ASTN2: variants seen among roughly 807,000 people sequenced by gnomAD.
ASTN2 encodes the protein astrotactin 2.
Under a neutral mutation model 139.8 loss-of-function variants are expected in ASTN2, and 54 were observed. The ratio of observed to expected loss-of-function variants is 0.39; its 90% CI spans 0.31 to 0.48. ASTN2 has a LOEUF of 0.48. ASTN2 is among the 20% of genes least tolerant of loss of function. The probability of loss-of-function intolerance (pLI) is 0.95; values close to 1 mark genes in which losing one functional copy is unlikely to be tolerated. For synonymous variants in ASTN2, 756 were observed against 719.5 expected, an observed-to-expected ratio of 1.05 and a Z score of -0.81; for missense variants, 1,565 against 1,725.1, an observed-to-expected ratio of 0.91 and a Z score of 1.64.
chr9:116,862,658 G>A (rs1416482054), intron 11 of ASTN2, among the ~76,000 whole-genome samples: 1 of 152,138 alleles, frequency 6.6e-6, no homozygotes, highest in African/African-American at 2.4e-5. Flanking sequence ...CCATTAGGCT[G>A]TAGTGTAGAT....
At chr9:117,410,573 C>T (rs1831132272) in intron 1 of ASTN2, among the ~76,000 whole-genome samples, 2 of 152,214 alleles carry the variant, frequency 1.3e-5, no homozygotes, top group South Asian at 4.1e-4. Context: ...GGATAAATGA[C>T]TTATTCAAGG....
At chr9:116,466,387 G>A (rs1160227423) in intron 20 of ASTN2, among the ~76,000 whole-genome samples, 1 of 152,188 alleles carries the variant, frequency 6.6e-6, no homozygotes, top group African/African-American at 2.4e-5. Context: ...AATGAGTCTT[G>A]ACGTCATTGG....
At chr9:117,349,517 G>A (rs1264470510) in intron 1 of ASTN2, among the ~76,000 whole-genome samples, 1 of 152,106 alleles carries the variant, frequency 6.6e-6, no homozygotes, top group Non-Finnish European at 1.5e-5. Context: ...TGTGGAGAGA[G>A]GAACACAAAG....
At chr9:117,206,000 T>C (rs558666465) in intron 3 of ASTN2, among the ~76,000 whole-genome samples, 1 of 152,130 alleles carries the variant, frequency 6.6e-6, no homozygotes, top group Admixed American at 6.5e-5. Context: ...ACAACATATG[T>C]GAAAAGGAGC....
At chr9:116,836,765 T>C (rs1489589879) in intron 11 of ASTN2, among the ~76,000 whole-genome samples, 2 of 152,044 alleles carry the variant, frequency 1.3e-5, no homozygotes, top group African/African-American at 4.8e-5. Context: ...CACCTTTCAG[T>C]CTTATGCTTG....
At chr9:116,967,715 G>C (rs1404066630) in intron 10 of ASTN2, among the ~76,000 whole-genome samples, 1 of 152,184 alleles carries the variant, frequency 6.6e-6, no homozygotes, top group East Asian at 1.9e-4. Flanking sequence ...TGTAAGACCG[G>C]TATCAAGGGC....
At chr9:117,314,233 C>T (rs567866772) in intron 1 of ASTN2, among the ~76,000 whole-genome samples, 1 of 152,090 alleles carries the variant, frequency 6.6e-6, no homozygotes, top group African/African-American at 2.4e-5. Context: ...TCCCCACCCC[C>T]ACCATGAATG....
chr9:116,645,229 A>G (rs803893), intron 17 of ASTN2, among the ~76,000 whole-genome samples: 142,476 of 152,256 alleles, frequency 0.94, 66,703 homozygotes, highest in East Asian at 0.96. Flanking sequence ...GTTAACAACC[A>G]CACAAAGTCT....
intron 1 of ASTN2, among the ~76,000 whole-genome samples, 165 bp from the exon 2 acceptor site, chr9:117,291,678 A>T (rs1834598211): frequency 6.6e-6 from 1 of 152,240 alleles, no homozygotes; most frequent in South Asian, 2.1e-4. Flanking sequence ...TTTCATTTAT[A>T]GATGAGTCAA....
chr9:116,732,619 A>G (rs967589999), intron 14 of ASTN2, among the ~76,000 whole-genome samples: 8 of 152,238 alleles, frequency 5.3e-5, no homozygotes, highest in Admixed American at 2.0e-4. Flanking sequence ...ACATCTTAGG[A>G]AATTTCTTAA....
chr9:116,610,328 C>T (rs938862138), intron 19 of ASTN2, among the ~76,000 whole-genome samples: 3 of 152,068 alleles, frequency 2.0e-5, no homozygotes, highest in African/African-American at 7.2e-5. Context: ...GTGATGGCTG[C>T]GGACGGTGGC....
intron 2 of ASTN2, among the ~76,000 whole-genome samples, chr9:117,255,358 G>T (rs900868389): frequency 1.3e-5 from 2 of 152,220 alleles, no homozygotes; most frequent in African/African-American, 4.8e-5. Context: ...TGCCTACCAT[G>T]TGCTAAAGCA....
rs542466057 is a variant in ASTN2 at position 116,749,143 on chromosome 9, G to T, written c.2397-15620C>A. On this transcript the variant is annotated intron_variant, in intron 13 of 22. Coordinates refer to ENST00000313400, the MANE Select transcript of ASTN2 (RefSeq NM_001365068.1). ...ATCATCCTTGCCTCACATACTTGCT[G>T]TAAAGATGAAAAGAGCCCATAAAAT... 2.6e-5 allele frequency among the ~76,000 whole-genome samples: 4 copies of T among 152,232 alleles called. No individual in the cohort carries two copies. In the East Asian group the frequency reaches 7.7e-4, roughly 29 times the overall value.
At chr9:117,313,760 A>G (rs781089929) in intron 1 of ASTN2, among the ~76,000 whole-genome samples, 24 of 152,134 alleles carry the variant, frequency 1.6e-4, no homozygotes, top group Non-Finnish European at 2.8e-4. Context: ...ATGTGAATAG[A>G]TGGTTTAGGA....
At chr9:117,008,050 C>A (rs781369264) in intron 7 of ASTN2, 42 bp downstream of exon 7, 3 of 1,499,410 alleles carry the variant, frequency 2.0e-6, no homozygotes, top group Admixed American at 2.2e-5. Flanking sequence ...TTCAACCCAG[C>A]CTCTCCCACC....
intron 4 of ASTN2, among the ~76,000 whole-genome samples, chr9:117,129,725 G>T (rs1170783528): frequency 6.6e-6 from 1 of 151,922 alleles, no homozygotes; most frequent in Non-Finnish European, 1.5e-5. Flanking sequence ...TAAGCATTTT[G>T]AAACCATGTT....
chr9:117,292,620 G>C (rs1564130103), intron 1 of ASTN2, among the ~76,000 whole-genome samples: 1 of 152,110 alleles, frequency 6.6e-6, no homozygotes, highest in Non-Finnish European at 1.5e-5. Flanking sequence ...TAGAGGCTTA[G>C]AACCTTGACC....
At chr9:116,681,554 C>A (rs936790197) in intron 16 of ASTN2, among the ~76,000 whole-genome samples, 8 of 152,156 alleles carry the variant, frequency 5.3e-5, no homozygotes, top group African/African-American at 1.9e-4. Context: ...CAAAAAAGAG[C>A]CTGCATTGCC....
At chr9:116,949,347 TA>T (rs147702688) in intron 10 of ASTN2, among the ~76,000 whole-genome samples, 3,182 of 152,210 alleles carry the variant, frequency 0.021, 79 homozygotes, top group South Asian at 0.066. Flanking sequence ...GATATATTTT[TA>T]AAAAATCGTA....
Sources: gnomAD v4.1 joint callset for allele counts (sites outside exome capture counted in the v4.1 genomes callset) on GRCh38, gnomAD v4.1.1 for gene constraint, MANE v1.5 for transcripts, NCBI Gene and HGNC (gene_info 2026-07-23, HGNC 2026-07-21) for gene names.